Variants in BNC2 observed in about 807,000 individuals in gnomAD.
The protein encoded by BNC2 is basonuclin zinc finger protein 2, also known as zinc finger protein basonuclin-2.
A neutral mutation model predicts 76.3 loss-of-function variants in BNC2; 20 were observed. The ratio of observed to expected loss-of-function variants is 0.26; its 90% CI spans 0.18 to 0.38. The LOEUF (loss-of-function observed/expected upper bound fraction) is 0.38, where lower values mean the gene tolerates loss of function less well. BNC2 is among the 10% of genes least tolerant of loss of function. The pLI, the probability that BNC2 is intolerant of heterozygous loss-of-function variation, is 1.00. For missense variants in BNC2, 1,382 were observed against 1,399.8 expected, an observed-to-expected ratio of 0.99 and a Z score of 0.20; for synonymous variants, 582 against 514.8, an observed-to-expected ratio of 1.13 and a Z score of -1.77.
chr9:16,738,596 T>C, intron 1 of BNC2, 111 bp from the exon 2 acceptor site: 1 of 1,202,824 alleles, frequency 8.3e-7, no homozygotes, highest in Non-Finnish European at 1.2e-6. Context: ...AATGACCAAC[T>C]AAACACATTT....
rs556589684 is a variant in BNC2 at position 16,828,836 on chromosome 9, G to A, written c.3+41810C>T. 1.4e-4 allele frequency among the ~76,000 whole-genome samples: 21 copies of A among 152,328 alleles called. No individual in the cohort carries two copies. The East Asian group carries it at 4.1e-3, about 29-fold the overall frequency. On this transcript the variant is annotated intron_variant, in intron 1 of 6. Coordinates refer to ENST00000380672, the MANE Select transcript of BNC2 (RefSeq NM_017637.6). ...AACCGCTGAAATGATCTTGTGGAATGTGTCTAGTGGCACTGGAATAACCTG... is the reference window on the plus strand; with the variant it reads ...AACCGCTGAAATGATCTTGTGGAATATGTCTAGTGGCACTGGAATAACCTG...
intron 4 of BNC2, among the ~76,000 whole-genome samples, chr9:16,564,683 C>T (rs576899931): frequency 1.2e-4 from 18 of 152,264 alleles, no homozygotes; most frequent in Non-Finnish European, 1.9e-4. Context: ...TGAAATCAGA[C>T]TTCTTTGTGT....
chr9:16,644,973 TCACA>T (rs1037659822), intron 3 of BNC2, among the ~76,000 whole-genome samples: 31 of 152,306 alleles, frequency 2.0e-4, no homozygotes, highest in African/African-American at 7.5e-4. Flanking sequence ...TTTCTCTGCT[TCACA>T]AAGTCGTCAG....
chr9:16,829,046 G>A (rs1025752057), intron 1 of BNC2, among the ~76,000 whole-genome samples: 15 of 152,140 alleles, frequency 9.9e-5, no homozygotes, highest in Non-Finnish European at 1.8e-4. Flanking sequence ...GAGCCGGCAC[G>A]AGGCACCAGG....
At chr9:16,836,869 T>C (rs1182622254) in intron 1 of BNC2, among the ~76,000 whole-genome samples, 2 of 152,158 alleles carry the variant, frequency 1.3e-5, no homozygotes, top group African/African-American at 4.8e-5. Context: ...AAAAGGCCCT[T>C]GGGCTGTCCA....
intron 1 of BNC2, among the ~76,000 whole-genome samples, chr9:16,844,758 G>A (rs1279731260): frequency 6.6e-6 from 1 of 152,070 alleles, no homozygotes; most frequent in East Asian, 1.9e-4. Context: ...CTTGGCCAAA[G>A]TGCTGGGATT....
intron 3 of BNC2, among the ~76,000 whole-genome samples, chr9:16,655,136 A>C (rs1392871160): frequency 1.3e-5 from 2 of 151,880 alleles, no homozygotes; most frequent in Non-Finnish European, 2.9e-5. Flanking sequence ...TTGCCACATT[A>C]TGCTTCATAT....
chr9:16,724,647 T>C (rs1223310715), intron 3 of BNC2, among the ~76,000 whole-genome samples: 3 of 152,130 alleles, frequency 2.0e-5, no homozygotes, highest in East Asian at 3.9e-4. Flanking sequence ...TGGCTTCAGA[T>C]TGTGATTATT....
chr9:16,787,705 G>T (rs149433957), intron 1 of BNC2, among the ~76,000 whole-genome samples: 2 of 152,220 alleles, frequency 1.3e-5, no homozygotes, highest in African/African-American at 4.8e-5. Flanking sequence ...CTAGGCAAAA[G>T]GTAGATAATA....
intron 3 of BNC2, among the ~76,000 whole-genome samples, chr9:16,641,093 G>A (rs1379395165): frequency 3.9e-5 from 6 of 152,042 alleles, no homozygotes; most frequent in Non-Finnish European, 4.4e-5. Context: ...AGTAACTACT[G>A]GAAAATACAA....
At chr9:16,792,757 T>A (rs1817548282) in intron 1 of BNC2, among the ~76,000 whole-genome samples, 1 of 152,224 alleles carries the variant, frequency 6.6e-6, no homozygotes, top group African/African-American at 2.4e-5. Context: ...AAACAAGGTA[T>A]GTAAAACCAA....
intron 3 of BNC2, among the ~76,000 whole-genome samples, chr9:16,671,687 A>T (rs1822482235): frequency 6.6e-6 from 1 of 152,172 alleles, no homozygotes; most frequent in Non-Finnish European, 1.5e-5. Flanking sequence ...CTGGTTGGCA[A>T]GTAAAGGAGA....
intron 5 of BNC2, among the ~76,000 whole-genome samples, chr9:16,444,829 T>C (rs550357383): frequency 6.6e-6 from 1 of 152,228 alleles, no homozygotes; most frequent in Admixed American, 6.5e-5. Context: ...TGGGTCCATA[T>C]GTAATAAGCA....
At chr9:16,700,841 C>A (rs1316045134) in intron 3 of BNC2, among the ~76,000 whole-genome samples, 2 of 152,124 alleles carry the variant, frequency 1.3e-5, no homozygotes, top group East Asian at 3.9e-4. Context: ...GTGGCACACA[C>A]CTGTAATCGC....
At chr9:16,804,952 C>G (rs1817868805) in intron 1 of BNC2, among the ~76,000 whole-genome samples, 1 of 152,034 alleles carries the variant, frequency 6.6e-6, no homozygotes, top group Admixed American at 6.6e-5. Context: ...GTCCCAGCTA[C>G]TCGGGAGGCT....
At chr9:16,680,574 T>TA (rs370833130) in intron 3 of BNC2, among the ~76,000 whole-genome samples, 3,922 of 139,418 alleles carry the variant, frequency 0.028, 60 homozygotes, top group Middle Eastern at 0.086. Flanking sequence ...TTTAAATGTT[T>TA]AAAAAAAAAA....
intron 3 of BNC2, among the ~76,000 whole-genome samples, chr9:16,618,177 G>T (rs767688570): frequency 6.6e-6 from 1 of 152,144 alleles, no homozygotes; most frequent in Non-Finnish European, 1.5e-5. Context: ...TTGGGGACTG[G>T]TTGGCTACAC....
At chr9:16,730,170 CTT>C (rs1824465395) in intron 2 of BNC2, among the ~76,000 whole-genome samples, 1 of 152,108 alleles carries the variant, frequency 6.6e-6, no homozygotes, top group Non-Finnish European at 1.5e-5. Context: ...GTAATAGACT[CTT>C]TTATTAAAAC....
At chr9:16,569,330 A>G (rs1322650601) in intron 4 of BNC2, among the ~76,000 whole-genome samples, 1 of 152,106 alleles carries the variant, frequency 6.6e-6, no homozygotes, top group Non-Finnish European at 1.5e-5. Flanking sequence ...AAGAGGGACA[A>G]AAGTAGTTCC....
Sources: allele counts gnomAD v4.1 joint callset (sites outside exome capture counted in the v4.1 genomes callset), GRCh38; gene constraint gnomAD v4.1.1; transcripts MANE v1.5; gene names NCBI Gene and HGNC (gene_info 2026-07-23, HGNC 2026-07-21).